Variants in COL18A1 observed in about 807,000 individuals in gnomAD.
The protein encoded by COL18A1 is collagen alpha-1(XVIII) chain.
In COL18A1, 133 loss-of-function variants were observed where a neutral mutation model predicts 168.0. That is an observed-to-expected ratio of 0.79 (90% CI 0.69 to 0.91). COL18A1 has a LOEUF of 0.91. Among genes scored for constraint, COL18A1 ranks in the 40% least tolerant of loss-of-function variants. The pLI, the probability that COL18A1 is intolerant of heterozygous loss-of-function variation, is 0.00. For synonymous variants in COL18A1, 949 were observed against 809.0 expected (o/e 1.17, Z -2.94); for missense variants, 2,126 against 1,925.4 (o/e 1.10, Z -1.95).
intron 33 of COL18A1, 52 bp from the exon 34 acceptor site, chr21:45,504,364 T>A: frequency 6.3e-7 from 1 of 1,580,642 alleles, no homozygotes; most frequent in Non-Finnish European, 8.6e-7. Flanking sequence ...GGAGGCCACC[T>A]GTGGCTTGTA....
rs146708300 is a variant in COL18A1, at chr21:45,409,324, A to G, written c.106+3851A>G. 1.1e-3 allele frequency among the ~76,000 whole-genome samples: 164 copies of G among 152,314 alleles called. 2 individuals are homozygous for G. Among genetic ancestry groups the G allele is most frequent in the South Asian group, 6.6e-3 (32 of 4,826 alleles). On this transcript the variant is annotated intron_variant, in intron 2 of 41. Coordinates refer to ENST00000651438, the MANE Select transcript of COL18A1 (RefSeq NM_001379500.1). ...CAGGGCAGGGGCAGAATCCTGGGAA[A>G]CTAAAATGCATGTTGGGCGCCCTTA...
rs1193330562 is a variant in COL18A1, at chr21:45,505,279, G to A, written c.3013+1G>A. 2 of 1,608,180 alleles carry A rather than the reference G, an allele frequency of 1.2e-6. No homozygotes were observed. The highest frequency in any genetic ancestry group is 1.7e-6 in the Non-Finnish European group (2 of 1,176,628). ...TCATTTCCTGGCCCTCACAGGCAGA[G>A]TAAGTCAGTGGGGAGTGGGCCCCGG... On this transcript the variant is annotated splice_donor_variant, in intron 35 of 41. Transcript: ENST00000651438. LOFTEE classifies it high-confidence loss of function.
chr21:45,415,821 G>A (rs545619707), intron 2 of COL18A1, among the ~76,000 whole-genome samples: 1 of 152,370 alleles, frequency 6.6e-6, no homozygotes, highest in African/African-American at 2.4e-5. Flanking sequence ...TGCTCACGCA[G>A]CCAGGCGGGC....
intron 33 of COL18A1, 52 bp from the exon 34 acceptor site, chr21:45,504,364 T>C: frequency 1.3e-6 from 2 of 1,580,640 alleles, no homozygotes; most frequent in South Asian, 2.3e-5. Context: ...GGAGGCCACC[T>C]GTGGCTTGTA....
Position 45,486,892 on chromosome 21 carries a change from C to A in COL18A1, c.1733C>A (p.Ala578Asp). ...GSKGAPGPAG[A>D]RGESGLAGAP... ...AAGGGAGCCCCCGGTCCTGCTGGTGCTCGTGGGGAGAGCGGCCTGGCAGGA... is the reference window on the plus strand; with the variant it reads ...AAGGGAGCCCCCGGTCCTGCTGGTGATCGTGGGGAGAGCGGCCTGGCAGGA... Residue 578 changes from alanine (A) to aspartate (D), a missense_variant, in exon 16 of 42, where the codon GCT becomes GAT. By Grantham distance (126) the Ala-to-Asp change is moderately radical. Coordinates refer to ENST00000651438, the MANE Select transcript of COL18A1 (RefSeq NM_001379500.1). The A allele has an allele frequency of 6.5e-7, 1 of 1,526,844 alleles. No homozygotes were observed. The highest frequency in any genetic ancestry group is 1.2e-5 in the South Asian group (1 of 82,900). 94.6% of individuals were successfully genotyped at this position (1,526,844 alleles called of 1,614,324 possible).
chr21:45,484,541 C>T (rs1015707919), intron 15 of COL18A1, among the ~76,000 whole-genome samples: 10 of 152,188 alleles, frequency 6.6e-5, no homozygotes, highest in African/African-American at 2.4e-4. Flanking sequence ...ATAGCCAGCA[C>T]ATGTGCACAC....
intron 2 of COL18A1, among the ~76,000 whole-genome samples, chr21:45,409,238 C>T (rs947294875): frequency 9.8e-5 from 15 of 152,298 alleles, no homozygotes; most frequent in Admixed American, 2.0e-4. Flanking sequence ...GAGATTTCAG[C>T]GGCTGGCCAG....
chr21:45,405,518 G>T, intron 2 of COL18A1, 45 bp downstream of exon 2: 8 of 1,202,126 alleles, frequency 6.7e-6, no homozygotes, highest in Non-Finnish European at 8.5e-6. Context: ...GTGCCCGCCG[G>T]CCTCGCCGCC....
intron 2 of COL18A1, among the ~76,000 whole-genome samples, chr21:45,418,008 G>T (rs983691098): frequency 6.6e-6 from 1 of 152,354 alleles, no homozygotes; most frequent in South Asian, 2.1e-4. Flanking sequence ...TCCTGCTGCC[G>T]CAGGAACCGA....
chr21:45,477,319 C>T (rs796271931), intron 6 of COL18A1, 92 bp from the exon 7 acceptor site: 41 of 981,696 alleles, frequency 4.2e-5, no homozygotes, highest in South Asian at 2.6e-4. Flanking sequence ...GGACTGAAAG[C>T]GTTTGGGCTG....
intron 32 of COL18A1, among the ~76,000 whole-genome samples, chr21:45,503,311 C>T (rs1019334623): frequency 6.6e-6 from 1 of 152,098 alleles, no homozygotes; most frequent in African/African-American, 2.4e-5. Context: ...TTGCATTTCT[C>T]TGATGGCCAG....
chr21:45,468,751 G>T lies in COL18A1; in HGVS notation c.616G>T (p.Ala206Ser), dbSNP rs1158092133. ...ELEPGAGLFV[A>S]QAGGADPDKF... ...GGAGCCTGGCGCCGGGCTCTTCGTG[G>T]CTCAGGCGGGGGGAGCGGACCCTGA... The change falls in exon 3 of 42, where the codon GCT becomes TCT. Residue 206 changes from alanine to serine, a missense_variant. Coordinates refer to ENST00000651438, the MANE Select transcript of COL18A1 (RefSeq NM_001379500.1). 2 of 1,607,344 alleles carry T rather than the reference G, an allele frequency of 1.2e-6. No homozygotes were observed. Among genetic ancestry groups the T allele is most frequent in the Admixed American group, 3.3e-5 (2 of 59,888 alleles).
intron 11 of COL18A1, 42 bp downstream of exon 11, chr21:45,480,198 T>A: frequency 8.0e-7 from 1 of 1,255,980 alleles, no homozygotes. Context: ...GGGTCTGCCC[T>A]CCTCAAAAGC....
chr21:45,505,228 G>GCCCCCCAGGC lies in COL18A1; in HGVS notation c.2969_2978dup (p.Gly994ArgfsTer96), dbSNP rs2037122005. 3.8e-6 allele frequency: 6 copies of GCCCCCCAGGC among 1,593,578 alleles called. No homozygotes were observed. The highest frequency in any genetic ancestry group is 5.1e-6 in the Non-Finnish European group (6 of 1,167,404). ...TACGAGGGGCGCCAGGGCCCTCCCG[G>GCCCCCCAGGC]CCCCCCAGGCCCCCCAGGGCCCCCT... On this transcript the variant is annotated frameshift_variant, in exon 35 of 42. Coordinates refer to ENST00000651438, the MANE Select transcript of COL18A1 (RefSeq NM_001379500.1). LOFTEE classifies it high-confidence loss of function.
chr21:45,492,971 C>T (rs1042272709), intron 24 of COL18A1, among the ~76,000 whole-genome samples, 192 bp from the exon 25 acceptor site: 21 of 152,016 alleles, frequency 1.4e-4, no homozygotes, highest in African/African-American at 3.6e-4. Flanking sequence ...AGGCTGGGGC[C>T]GGGAGGTGTC....
At chr21:45,459,907 A>G (rs370701501) in intron 2 of COL18A1, among the ~76,000 whole-genome samples, 13 of 152,120 alleles carry the variant, frequency 8.5e-5, no homozygotes, top group African/African-American at 2.7e-4. Flanking sequence ...CACAACAGCA[A>G]CGGGTGCCTG....
intron 2 of COL18A1, among the ~76,000 whole-genome samples, chr21:45,452,476 TG>T (rs2034644581): frequency 6.7e-6 from 1 of 149,384 alleles, no homozygotes; most frequent in Non-Finnish European, 1.5e-5. Flanking sequence ...TATATGTACG[TG>T]TGTGTTTCTG....
chr21:45,421,818 C>T (rs1206863819), intron 2 of COL18A1, among the ~76,000 whole-genome samples: 2 of 152,140 alleles, frequency 1.3e-5, no homozygotes, highest in Admixed American at 1.3e-4. Flanking sequence ...GCTCAGGGCC[C>T]TGTGACAGGA....
At chr21:45,436,525 G>A (rs1395529167) in intron 2 of COL18A1, among the ~76,000 whole-genome samples, 1 of 152,176 alleles carries the variant, frequency 6.6e-6, no homozygotes, top group African/African-American at 2.4e-5. Flanking sequence ...CAAAAAAGTC[G>A]TCTTTGTGGG....
Sources: allele counts gnomAD v4.1 joint callset (sites outside exome capture counted in the v4.1 genomes callset), GRCh38; gene constraint gnomAD v4.1.1; transcripts MANE v1.5; gene names NCBI Gene and HGNC (gene_info 2026-07-23, HGNC 2026-07-21).